Variants in TATDN1 observed in about 807,000 individuals in gnomAD.
TATDN1 encodes the protein TatD DNase domain containing 1, also known as deoxyribonuclease TATDN1.
TATDN1 carries 40 observed loss-of-function variants against 46.4 expected under a neutral mutation model. That is an observed-to-expected ratio of 0.86 (90% CI 0.67 to 1.12). The LOEUF (loss-of-function observed/expected upper bound fraction) is 1.12, where lower values mean the gene tolerates loss of function less well. Among genes scored for constraint, TATDN1 ranks in the 50% most tolerant of loss-of-function variants. The pLI, the probability that TATDN1 is intolerant of heterozygous loss-of-function variation, is 0.00. For synonymous variants in TATDN1, 95 were observed against 105.6 expected, an observed-to-expected ratio of 0.90 and a Z score of 0.62; for missense variants, 326 against 348.4, an observed-to-expected ratio of 0.94 and a Z score of 0.51.
intron 11 of TATDN1, chr8:124,489,965 T>A (rs1418563820): frequency 6.6e-6 from 1 of 152,250 alleles, no homozygotes; most frequent in Non-Finnish European, 1.5e-5. Context: ...AAAGCCTTGC[T>A]TGATGTTTAT....
At chr8:124,492,589 A>G (rs1290808524) in intron 11 of TATDN1, among the ~76,000 whole-genome samples, 1 of 151,878 alleles carries the variant, frequency 6.6e-6, no homozygotes, top group African/African-American at 2.4e-5. Flanking sequence ...CCCCATCTCT[A>G]CTAAAAATAC....
intron 6 of TATDN1, among the ~76,000 whole-genome samples, chr8:124,515,312 T>C (rs1586629745): frequency 6.6e-6 from 1 of 151,768 alleles, no homozygotes; most frequent in Non-Finnish European, 1.5e-5. Flanking sequence ...ACCCAGGAGG[T>C]GGAGGTTGCG....
At chr8:124,495,971 T>G (rs760429677) in intron 9 of TATDN1, among the ~76,000 whole-genome samples, 2 of 152,236 alleles carry the variant, frequency 1.3e-5, no homozygotes, top group Non-Finnish European at 2.9e-5. Context: ...CATGGTTTCT[T>G]TGTAGGATGA....
At chr8:124,535,463 T>G (rs970938944) in intron 1 of TATDN1, among the ~76,000 whole-genome samples, 3 of 152,234 alleles carry the variant, frequency 2.0e-5, no homozygotes, top group Non-Finnish European at 4.4e-5. Flanking sequence ...GATACCATTT[T>G]GGACATGACC....
At chr8:124,531,090 T>C (rs1820912824) in intron 1 of TATDN1, among the ~76,000 whole-genome samples, 1 of 151,986 alleles carries the variant, frequency 6.6e-6, no homozygotes. Context: ...AAGCTGGAGG[T>C]GGTAATACTG....
intron 9 of TATDN1, among the ~76,000 whole-genome samples, chr8:124,503,154 C>G (rs568889977): frequency 6.6e-6 from 1 of 152,126 alleles, no homozygotes; most frequent in East Asian, 1.9e-4. Flanking sequence ...ACCAAAAATT[C>G]TGAAATAACG....
chr8:124,506,532 CAG>C (rs1586599287), intron 8 of TATDN1, among the ~76,000 whole-genome samples: 4 of 152,016 alleles, frequency 2.6e-5, no homozygotes, highest in East Asian at 1.9e-4. Flanking sequence ...GAAAAAATTA[CAG>C]AGTTAGTACA....
intron 9 of TATDN1, among the ~76,000 whole-genome samples, chr8:124,498,732 CCT>C (rs1008163725): frequency 3.5e-4 from 54 of 152,222 alleles, no homozygotes; most frequent in African/African-American, 1.2e-3. Context: ...CTCACTGCAT[CCT>C]CTGCCTCCCG....
intron 2 of TATDN1, 129 bp from the exon 3 acceptor site, chr8:124,522,329 CTTAA>C (rs986431184): frequency 1.3e-4 from 89 of 664,032 alleles, no homozygotes; most frequent in Middle Eastern, 1.2e-3. Flanking sequence ...GTAAGAAGAC[CTTAA>C]TTAAACTTTA....
rs1370136431 is a variant in TATDN1 at position 124,495,385 on chromosome 8, TAA to T, written c.664+85_664+86del. On this transcript the variant is annotated intron_variant, in intron 10 of 11. Transcript: ENST00000276692. The stretch of plus-strand genomic sequence containing the variant: ...TGCTGTTTTAAAATACTTGTTCACT[TAA>T]AGTTTGAAGTCAAATTTCTTTCTCC... 5.1e-6 allele frequency: 5 copies of T among 985,450 alleles called. No homozygotes were observed. The East Asian group carries it at 1.3e-4, about 25-fold the overall frequency. 61.0% of individuals were successfully genotyped at this position (985,450 alleles called of 1,614,324 possible).
intron 8 of TATDN1, 34 bp from the exon 9 acceptor site, chr8:124,504,381 A>G: frequency 1.4e-6 from 2 of 1,397,866 alleles, no homozygotes; most frequent in Non-Finnish European, 1.9e-6. Context: ...TATTATTATA[A>G]TAATTACTCT....
intron 3 of TATDN1, 114 bp from the exon 4 acceptor site, chr8:124,518,995 C>A: frequency 5.8e-6 from 4 of 692,168 alleles, no homozygotes; most frequent in Non-Finnish European, 1.0e-5. Flanking sequence ...TCTGTGACTG[C>A]CACACACCTA....
intron 11 of TATDN1, chr8:124,490,076 A>G (rs1816833506): frequency 6.6e-6 from 1 of 152,246 alleles, no homozygotes; most frequent in Non-Finnish European, 1.5e-5. Flanking sequence ...CATTTTTCTT[A>G]GGAAACTACT....
In TATDN1 at chr8:124,518,432, G is replaced by A. The variant is rs560968278; in HGVS notation, c.202+386C>T. Among the ~76,000 whole-genome samples, 7 of 151,088 alleles carry A rather than the reference G, an allele frequency of 4.6e-5. No homozygotes were observed. In the South Asian group the frequency reaches 1.3e-3, roughly 27 times the overall value. ...CCAGCTACCCGGGAGGCTGAGGCAG[G>A]AGAATGGTGTGAACCTGGGAGGTGG... On this transcript the variant is annotated intron_variant, in intron 4 of 11. Coordinates refer to ENST00000276692, the MANE Select transcript of TATDN1 (RefSeq NM_032026.4).
chr8:124,530,951 T>A (rs1199913911), intron 1 of TATDN1, among the ~76,000 whole-genome samples: 4 of 152,180 alleles, frequency 2.6e-5, no homozygotes, highest in African/African-American at 9.7e-5. Flanking sequence ...GTTGTTGTTT[T>A]CAGATGAGAC....
At chr8:124,509,933 C>T (rs1332607106) in intron 6 of TATDN1, among the ~76,000 whole-genome samples, 2 of 150,170 alleles carry the variant, frequency 1.3e-5, no homozygotes, top group Non-Finnish European at 2.9e-5. Context: ...AGCTATTCGG[C>T]AGGCATGAGA....
chr8:124,508,349 G>T lies in TATDN1; in HGVS notation c.516+125C>A. The T allele has an allele frequency of 4.2e-6, 3 of 716,086 alleles. No individual in the cohort carries two copies. The South Asian group carries it at 6.1e-5, about 15-fold the overall frequency. The allele number at this position is 716,086 out of a possible 1,614,324, so 44.4% of individuals were successfully genotyped here. A position where few individuals can be genotyped will look rare whatever the true frequency, so the allele number is the denominator to read the frequency against. On this transcript the variant is annotated intron_variant, in intron 8 of 11. Coordinates refer to ENST00000276692, the MANE Select transcript of TATDN1 (RefSeq NM_032026.4). ...TACAATGAATAATCAGAAAGCAAAG[G>T]TGTCATTATCTCATGCCAGTGCTTA...
At chr8:124,503,920 G>C (rs1156884703) in intron 9 of TATDN1, 1 of 1,297,674 alleles carries the variant, frequency 7.7e-7, no homozygotes, top group Admixed American at 2.3e-5. Context: ...TTCGTCCATA[G>C]TCAGATATGA....
chr8:124,526,655 C>CTAA (rs1178939941), intron 1 of TATDN1: 1 of 152,176 alleles, frequency 6.6e-6, no homozygotes, highest in South Asian at 2.1e-4. Flanking sequence ...GCTTGAAAAG[C>CTAA]AGCACCTACT....
Sources: allele counts gnomAD v4.1 joint callset (sites outside exome capture counted in the v4.1 genomes callset), GRCh38; gene constraint gnomAD v4.1.1; transcripts MANE v1.5; gene names NCBI Gene and HGNC (gene_info 2026-07-23, HGNC 2026-07-21).